The following ROCK1 variants were observed in gnomAD, a reference collection of about 807,000 sequenced individuals.
ROCK1 encodes rho-associated protein kinase 1.
Under a neutral mutation model 196.8 loss-of-function variants are expected in ROCK1, and 36 were observed. The ratio of observed to expected loss-of-function variants is 0.18; its 90% CI spans 0.14 to 0.24. The LOEUF is 0.24. Among genes scored for constraint, ROCK1 ranks in the 10% least tolerant of loss-of-function variants. ROCK1 has a pLI of 1.00. For synonymous variants in ROCK1, 443 were observed against 515.9 expected (o/e 0.86, Z 1.91); for missense variants, 920 against 1,562.0 (o/e 0.59, Z 6.93).
At chr18:21,005,898 A>G (rs966730551) in intron 16 of ROCK1, among the ~76,000 whole-genome samples, 5 of 152,218 alleles carry the variant, frequency 3.3e-5, no homozygotes, top group African/African-American at 7.2e-5. Context: ...AACAATAAAA[A>G]AGAATGCAAC....
chr18:20,987,677 A>G (rs1248526218), intron 18 of ROCK1, among the ~76,000 whole-genome samples: 1 of 152,210 alleles, frequency 6.6e-6, no homozygotes, highest in Non-Finnish European at 1.5e-5. Flanking sequence ...TTCCATGTTC[A>G]TGTAACTAGT....
chr18:21,048,714 T>A (rs998133930), intron 4 of ROCK1, among the ~76,000 whole-genome samples: 1 of 151,946 alleles, frequency 6.6e-6, no homozygotes, highest in Admixed American at 6.6e-5. Flanking sequence ...CATGCCTCAA[T>A]AATTTTTTTA....
intron 14 of ROCK1, among the ~76,000 whole-genome samples, chr18:21,007,679 C>T (rs1401798144): frequency 6.6e-6 from 1 of 151,980 alleles, no homozygotes; most frequent in Non-Finnish European, 1.5e-5. Context: ...AGTTCTTAGA[C>T]GCAGCTGCTT....
rs1190927708 is a variant in ROCK1, at chr18:21,039,572, T to C, written c.960-9A>G. The C allele has an allele frequency of 3.2e-6, 5 of 1,583,088 alleles. No homozygotes were observed. Among genetic ancestry groups the C allele is most frequent in the Non-Finnish European group, 4.3e-6 (5 of 1,152,356 alleles). On this transcript the variant is annotated splice_polypyrimidine_tract_variant and intron_variant, in intron 8 of 32. Transcript: ENST00000399799. The stretch of plus-strand genomic sequence containing the variant: ...GCCCTAACCTCACTTCCCTGAATAA[T>C]GACAGAAGGAGAAAAGTAATCAATC...
chr18:21,094,986 GT>G (rs35742013), intron 1 of ROCK1, among the ~76,000 whole-genome samples: 1 of 148,786 alleles, frequency 6.7e-6, no homozygotes, highest in Non-Finnish European at 1.5e-5. Context: ...GGAGGCAAAG[GT>G]TGCGGTGAGC....
intron 22 of ROCK1, among the ~76,000 whole-genome samples, chr18:20,975,016 T>TA (rs1285162101): frequency 2.6e-5 from 4 of 152,226 alleles, no homozygotes; most frequent in African/African-American, 9.6e-5. Flanking sequence ...ATGCTGCAGT[T>TA]ACAATTGTAG....
chr18:20,984,870 T>C (rs950918763), intron 19 of ROCK1, among the ~76,000 whole-genome samples: 1 of 152,008 alleles, frequency 6.6e-6, no homozygotes, highest in African/African-American at 2.4e-5. Context: ...TCCCAGCACT[T>C]TGGGAGGCTG....
chr18:20,984,997 C>T (rs1252627276), intron 19 of ROCK1, among the ~76,000 whole-genome samples: 1 of 151,788 alleles, frequency 6.6e-6, no homozygotes, highest in Non-Finnish European at 1.5e-5. Context: ...TCCTGTAGTC[C>T]CAGCTACATG....
chr18:21,023,764 C>A, intron 10 of ROCK1, 84 bp from the exon 11 acceptor site: 1 of 625,022 alleles, frequency 1.6e-6, no homozygotes, highest in Non-Finnish European at 2.7e-6. Flanking sequence ...TACTACACGC[C>A]TATTTTATGT....
rs571864828 is a variant in ROCK1, at chr18:21,111,174, C to T, written c.-264G>A. On this transcript the variant is annotated 5_prime_UTR_variant, in exon 1 of 33. Transcript: ENST00000399799. This position sits in a 1 kb window ranked among gnomAD's most constrained non-coding sequence, Gnocchi z 4.2. ...CAGCCCCTCACGACAGCCGACAGCG[C>T]CGTCGCCACCAGCCTCGTCGCTCCG... 18 of 545,436 alleles carry T rather than the reference C, an allele frequency of 3.3e-5. No homozygotes were observed. The highest frequency in any genetic ancestry group is 5.8e-5 in the Non-Finnish European group (18 of 310,752). The allele number at this position is 545,436 out of a possible 1,614,324, so 33.8% of individuals were successfully genotyped here. A position where few individuals can be genotyped will look rare whatever the true frequency, so the allele number is the denominator to read the frequency against.
intron 21 of ROCK1, among the ~76,000 whole-genome samples, chr18:20,982,487 A>G (rs559949272): frequency 6.6e-6 from 1 of 152,224 alleles, no homozygotes; most frequent in South Asian, 2.1e-4. Context: ...CCTGACCTCA[A>G]GTGATCCACT....
chr18:21,052,042 T>C (rs958289906), intron 2 of ROCK1, among the ~76,000 whole-genome samples: 4 of 152,200 alleles, frequency 2.6e-5, no homozygotes, highest in African/African-American at 9.7e-5. Context: ...TATAATAGCC[T>C]GTTACGTTGA....
At chr18:21,006,307 A>G in intron 16 of ROCK1, 44 bp downstream of exon 16, 4 of 1,471,638 alleles carry the variant, frequency 2.7e-6, no homozygotes, top group Non-Finnish European at 3.7e-6. Flanking sequence ...GTTATAATAA[A>G]TTTCATGTTA....
chr18:21,052,880 A>G (rs1446389553), intron 2 of ROCK1, among the ~76,000 whole-genome samples: 5 of 152,204 alleles, frequency 3.3e-5, no homozygotes, highest in Non-Finnish European at 7.3e-5. Context: ...CTGCTGCTCT[A>G]AAGAAAAATA....
chr18:20,979,830 T>C (rs1647739474), intron 22 of ROCK1, 80 bp downstream of exon 22: 1 of 1,423,432 alleles, frequency 7.0e-7, no homozygotes, highest in African/African-American at 1.5e-5. Flanking sequence ...ACCAGAATAA[T>C]GGCACATCTA....
chr18:21,024,121 T>C (rs886946170), intron 10 of ROCK1, among the ~76,000 whole-genome samples: 6 of 152,186 alleles, frequency 3.9e-5, no homozygotes, highest in African/African-American at 9.7e-5. Flanking sequence ...TGCAGACATA[T>C]GCATAACCAC....
At chr18:21,026,559 G>T (rs1166991493) in intron 10 of ROCK1, among the ~76,000 whole-genome samples, 1 of 151,952 alleles carries the variant, frequency 6.6e-6, no homozygotes, top group African/African-American at 2.4e-5. Context: ...AGAGTGTTAG[G>T]GAGGAAAAAA....
At chr18:21,055,185 T>C (rs947553094) in intron 2 of ROCK1, among the ~76,000 whole-genome samples, 2 of 152,222 alleles carry the variant, frequency 1.3e-5, no homozygotes, top group African/African-American at 4.8e-5. Context: ...CTACTCTATG[T>C]CAGCACCCAT....
intron 16 of ROCK1, among the ~76,000 whole-genome samples, chr18:20,999,424 G>T (rs1195587113): frequency 6.6e-6 from 1 of 151,634 alleles, no homozygotes; most frequent in Non-Finnish European, 1.5e-5. Flanking sequence ...GAAGATACAG[G>T]AGTCAAAATC....
Sources: allele counts gnomAD v4.1 joint callset (sites outside exome capture counted in the v4.1 genomes callset), GRCh38; gene constraint gnomAD v4.1.1; non-coding constraint Gnocchi (gnomAD v3.1); transcripts MANE v1.5; gene names NCBI Gene and HGNC (gene_info 2026-07-23, HGNC 2026-07-21).